Variants in ANGPT1 observed in about 807,000 individuals in gnomAD.
ANGPT1 encodes the protein angiopoietin 1, also known as angiopoietin-1.
ANGPT1 carries 17 observed loss-of-function variants against 62.2 expected under a neutral mutation model. The observed-to-expected ratio is 0.27, with a 90% CI of 0.19 to 0.41. The LOEUF is 0.41. Ranked by LOEUF, ANGPT1 falls within the 10% of genes least tolerant of loss-of-function variation. The pLI, the probability that ANGPT1 is intolerant of heterozygous loss-of-function variation, is 1.00. For missense variants in ANGPT1, 478 were observed against 594.9 expected (o/e 0.80, Z 2.04); for synonymous variants, 199 against 198.9 (o/e 1.00, Z 0.00).
chr8:107,269,448 T>C (rs1410120653), intron 7 of ANGPT1, among the ~76,000 whole-genome samples: 1 of 152,110 alleles, frequency 6.6e-6, no homozygotes, highest in Non-Finnish European at 1.5e-5. Context: ...AAGCTAATAA[T>C]TGTTCCAAAT....
At chr8:107,389,174 T>C (rs548102954) in intron 1 of ANGPT1, among the ~76,000 whole-genome samples, 54 of 152,188 alleles carry the variant, frequency 3.5e-4, no homozygotes, top group Non-Finnish European at 6.8e-4. Context: ...TGGGTTCTAA[T>C]CATGACTTTG....
At chr8:107,417,431 A>T (rs978790148) in intron 1 of ANGPT1, among the ~76,000 whole-genome samples, 30 of 152,160 alleles carry the variant, frequency 2.0e-4, no homozygotes, top group Non-Finnish European at 2.2e-4. Context: ...ACAAGTGAGA[A>T]AAGGGCAACA....
chr8:107,330,739 T>A (rs1301474221), intron 3 of ANGPT1, among the ~76,000 whole-genome samples: 1 of 152,068 alleles, frequency 6.6e-6, no homozygotes, highest in Non-Finnish European at 1.5e-5. Context: ...TAGAAAAATA[T>A]TTAGAAGATG....
chr8:107,432,993 G>A (rs1175814323), intron 1 of ANGPT1, among the ~76,000 whole-genome samples: 1 of 151,938 alleles, frequency 6.6e-6, no homozygotes, highest in Non-Finnish European at 1.5e-5. Flanking sequence ...TAAAAGCAAT[G>A]ATGTCTTGAC....
intron 1 of ANGPT1, among the ~76,000 whole-genome samples, chr8:107,471,335 G>T (rs1018940949): frequency 2.0e-5 from 3 of 151,974 alleles, no homozygotes; most frequent in Admixed American, 6.6e-5. Context: ...GTTCTCACTC[G>T]TAAGTTGGAG....
intron 5 of ANGPT1, among the ~76,000 whole-genome samples, chr8:107,301,354 C>T (rs909702879): frequency 2.6e-5 from 4 of 151,778 alleles, no homozygotes; most frequent in Non-Finnish European, 5.9e-5. Flanking sequence ...TTGAGTAGTA[C>T]TGTAGGTAAA....
intron 6 of ANGPT1, among the ~76,000 whole-genome samples, chr8:107,293,199 G>GATA (rs1408782898): frequency 3.8e-5 from 1 of 26,542 alleles, no homozygotes; most frequent in Non-Finnish European, 6.8e-5. Flanking sequence ...GAAGAACTGT[G>GATA]ATGATGATGA....
intron 1 of ANGPT1, among the ~76,000 whole-genome samples, chr8:107,409,002 TCTA>T (rs1178470807): frequency 3.3e-5 from 5 of 152,188 alleles, no homozygotes; most frequent in African/African-American, 1.2e-4. Context: ...CAGCAAATAT[TCTA>T]CTATCAGTAG....
chr8:107,252,480 G>T (rs1225500801), intron 8 of ANGPT1, among the ~76,000 whole-genome samples: 1 of 152,174 alleles, frequency 6.6e-6, no homozygotes, highest in Non-Finnish European at 1.5e-5. Flanking sequence ...TAAATAGAAA[G>T]ATATTCTCCA....
At chr8:107,399,983 T>C (rs1290363588) in intron 1 of ANGPT1, among the ~76,000 whole-genome samples, 1 of 152,116 alleles carries the variant, frequency 6.6e-6, no homozygotes, top group East Asian at 1.9e-4. Context: ...CTAGACCCCA[T>C]CTTAACTAGA....
chr8:107,260,597 T>A (rs1468943665), intron 8 of ANGPT1, among the ~76,000 whole-genome samples: 3 of 152,322 alleles, frequency 2.0e-5, no homozygotes, highest in African/African-American at 7.2e-5. Flanking sequence ...CAGGCAATAC[T>A]CCAGTTACCT....
intron 1 of ANGPT1, among the ~76,000 whole-genome samples, chr8:107,449,400 G>GCACACACA (rs10537811): frequency 0.034 from 5,048 of 148,164 alleles, 94 homozygotes; most frequent in African/African-American, 0.058. Flanking sequence ...ACACACACAT[G>GCACACACA]CACACACACA....
chr8:107,279,171 T>G (rs531196710), intron 7 of ANGPT1, among the ~76,000 whole-genome samples: 2 of 152,336 alleles, frequency 1.3e-5, no homozygotes, highest in East Asian at 3.9e-4. Flanking sequence ...TTTTTTAAAC[T>G]GATAATAAAC....
intron 1 of ANGPT1, among the ~76,000 whole-genome samples, chr8:107,373,294 A>C (rs1270702689): frequency 1.3e-5 from 2 of 151,404 alleles, no homozygotes; most frequent in East Asian, 1.9e-4. Flanking sequence ...TGAATTAGAG[A>C]GTGTATTTGG....
intron 1 of ANGPT1, among the ~76,000 whole-genome samples, chr8:107,406,934 T>C (rs1284460946): frequency 6.7e-6 from 1 of 150,280 alleles, no homozygotes; most frequent in African/African-American, 2.4e-5. Flanking sequence ...CTTTAGGAAA[T>C]TCCTTAAGTC....
chr8:107,427,688 G>T lies in ANGPT1; in HGVS notation c.297+69574C>A, dbSNP rs573172420. Among the ~76,000 whole-genome samples, 13 of 152,282 alleles carry T rather than the reference G, an allele frequency of 8.5e-5. No individual in the cohort carries two copies. The South Asian group carries it at 1.0e-3, about 12-fold the overall frequency. On this transcript the variant is annotated intron_variant, in intron 1 of 8. Transcript: ENST00000517746. ...GGAAGGTCTCTTTCTTCCTCCTCTA[G>T]GTTTGAAGCTCTGTATGAATGGTGG...
chr8:107,485,720 G>A (rs2130530708), intron 1 of ANGPT1, among the ~76,000 whole-genome samples: 1 of 152,280 alleles, frequency 6.6e-6, no homozygotes, highest in Middle Eastern at 3.4e-3. Context: ...GGAAGTGCAG[G>A]CAAATAATAT....
intron 1 of ANGPT1, among the ~76,000 whole-genome samples, chr8:107,359,756 T>A (rs1004560621): frequency 6.6e-6 from 1 of 152,164 alleles, no homozygotes; most frequent in Non-Finnish European, 1.5e-5. Flanking sequence ...GACACAAATT[T>A]GTATGCATTT....
chr8:107,277,600 C>A (rs1017068923), intron 7 of ANGPT1, among the ~76,000 whole-genome samples: 3 of 152,060 alleles, frequency 2.0e-5, no homozygotes, highest in African/African-American at 7.2e-5. Context: ...CATTAAAAAA[C>A]CAAAAACAAA....
Sources: gnomAD v4.1 joint callset for allele counts (sites outside exome capture counted in the v4.1 genomes callset) on GRCh38, gnomAD v4.1.1 for gene constraint, MANE v1.5 for transcripts, NCBI Gene and HGNC (gene_info 2026-07-23, HGNC 2026-07-21) for gene names.